SYT1: variants seen among roughly 807,000 people sequenced by gnomAD.
The protein encoded by SYT1 is synaptotagmin-1.
In SYT1, 8 loss-of-function variants were observed where a neutral mutation model predicts 44.8. That is an observed-to-expected ratio of 0.18 (90% CI 0.10 to 0.32). The LOEUF is 0.32. Among genes scored for constraint, SYT1 ranks in the 10% least tolerant of loss-of-function variants. The pLI is 1.00. For missense variants in SYT1, 286 were observed against 509.3 expected, an observed-to-expected ratio of 0.56 and a Z score of 4.22; for synonymous variants, 154 against 188.8, an observed-to-expected ratio of 0.82 and a Z score of 1.51.
At chr12:79,132,000 ATAG>A (rs1400792996) in intron 3 of SYT1, among the ~76,000 whole-genome samples, 1 of 152,208 alleles carries the variant, frequency 6.6e-6, no homozygotes, top group South Asian at 2.1e-4. Context: ...TTGAGTTTCT[ATAG>A]TTAAATGCTG....
At chr12:78,921,900 A>C (rs1397767747) in intron 1 of SYT1, among the ~76,000 whole-genome samples, 6 of 151,930 alleles carry the variant, frequency 3.9e-5, no homozygotes, top group African/African-American at 7.2e-5. Flanking sequence ...ATATTTTTGC[A>C]TACTTTTGTG....
chr12:79,050,794 A>G (rs911486487), intron 3 of SYT1, among the ~76,000 whole-genome samples: 5 of 152,054 alleles, frequency 3.3e-5, no homozygotes, highest in African/African-American at 9.7e-5. Context: ...AATATCCCAA[A>G]TGTTACCTGC....
intron 8 of SYT1, among the ~76,000 whole-genome samples, chr12:79,311,950 A>G (rs1330940418): frequency 2.0e-5 from 3 of 151,004 alleles, no homozygotes; most frequent in Admixed American, 6.6e-5. Context: ...GCACACCAGC[A>G]TGGCACATGG....
At chr12:79,419,136 GT>G (rs1868938933) in intron 9 of SYT1, 1 of 382,604 alleles carries the variant, frequency 2.6e-6, no homozygotes, top group East Asian at 8.0e-5. Context: ...CCAATAGAAA[GT>G]TTTGCCTTTT....
intron 2 of SYT1, among the ~76,000 whole-genome samples, chr12:79,029,644 T>C (rs918476920): frequency 2.2e-4 from 33 of 151,198 alleles, no homozygotes; most frequent in African/African-American, 7.7e-4. Flanking sequence ...TGAAATTTTA[T>C]TTATGTAGAT....
At chr12:79,348,969 A>T (rs1314736629) in intron 8 of SYT1, among the ~76,000 whole-genome samples, 4 of 148,602 alleles carry the variant, frequency 2.7e-5, no homozygotes, top group Non-Finnish European at 5.9e-5. Flanking sequence ...AAAAGAAAGA[A>T]AAAGAAAGAG....
At chr12:79,170,669 A>T (rs986086466) in intron 3 of SYT1, among the ~76,000 whole-genome samples, 3 of 152,020 alleles carry the variant, frequency 2.0e-5, no homozygotes, top group Non-Finnish European at 4.4e-5. Context: ...CTCTGTTGAT[A>T]GTTTCTTTTG....
intron 3 of SYT1, among the ~76,000 whole-genome samples, chr12:79,170,755 T>A (rs1871467353): frequency 6.6e-6 from 1 of 152,160 alleles, no homozygotes; most frequent in South Asian, 2.1e-4. Flanking sequence ...TTTGGTATCT[T>A]CATCATGAAA....
At chr12:79,153,281 C>T (rs1351033113) in intron 3 of SYT1, among the ~76,000 whole-genome samples, 1 of 152,018 alleles carries the variant, frequency 6.6e-6, no homozygotes, top group Non-Finnish European at 1.5e-5. Flanking sequence ...CAATTGGATG[C>T]CAATCAGATC....
intron 9 of SYT1, among the ~76,000 whole-genome samples, chr12:79,441,070 T>C (rs540677537): frequency 6.6e-6 from 1 of 152,322 alleles, no homozygotes; most frequent in African/African-American, 2.4e-5. Context: ...TGCTCAAATG[T>C]GCCCATCCCA....
At chr12:78,931,200 A>G (rs11111925) in intron 1 of SYT1, among the ~76,000 whole-genome samples, 2,407 of 35,610 alleles carry the variant, frequency 0.068, 96 homozygotes, top group East Asian at 0.25. Context: ...AGAAAGAAAG[A>G]AAGAAAGAAA....
intron 2 of SYT1, among the ~76,000 whole-genome samples, chr12:79,038,257 T>C (rs1221027795): frequency 6.6e-6 from 1 of 151,166 alleles, no homozygotes; most frequent in African/African-American, 2.4e-5. Flanking sequence ...AGTTGTCCAA[T>C]ACAGGCAATT....
intron 3 of SYT1, among the ~76,000 whole-genome samples, chr12:79,117,664 TATATA>T (rs1456730866): frequency 2.0e-3 from 13 of 6,426 alleles, no homozygotes; most frequent in Non-Finnish European, 5.5e-4. Context: ...TATTACATCA[TATATA>T]TATATATATA....
intron 4 of SYT1, among the ~76,000 whole-genome samples, chr12:79,230,886 A>C (rs891551930): frequency 1.3e-5 from 2 of 152,242 alleles, no homozygotes; most frequent in Non-Finnish European, 2.9e-5. Flanking sequence ...TTTTGGACCT[A>C]TATCCAAAAT....
chr12:79,064,976 GAAAGAA>G (rs1875713780), intron 3 of SYT1, among the ~76,000 whole-genome samples: 1 of 138,522 alleles, frequency 7.2e-6, no homozygotes, highest in South Asian at 2.3e-4. Context: ...AAGAAAGAAA[GAAAGAA>G]AGAAAGAAAG....
chr12:79,047,018 T>A (rs1279858843), intron 2 of SYT1, among the ~76,000 whole-genome samples: 1 of 151,852 alleles, frequency 6.6e-6, no homozygotes, highest in Non-Finnish European at 1.5e-5. Flanking sequence ...TTACTCTAAT[T>A]TCAAATTAAA....
At chr12:79,364,514 A>ACTAATGGC (rs1053543034) in intron 9 of SYT1, among the ~76,000 whole-genome samples, 8 of 152,292 alleles carry the variant, frequency 5.3e-5, no homozygotes, top group African/African-American at 1.9e-4. Flanking sequence ...TTTTTAAATT[A>ACTAATGGC]CTAATGGCCT....
chr12:78,936,735 C>T (rs1184747204), intron 1 of SYT1, among the ~76,000 whole-genome samples: 1 of 152,096 alleles, frequency 6.6e-6, no homozygotes, highest in African/African-American at 2.4e-5. Flanking sequence ...AAAGGAAGGC[C>T]AGAATTCAGT....
At chr12:79,436,242 A>G (rs1297099084) in intron 9 of SYT1, among the ~76,000 whole-genome samples, 1 of 152,188 alleles carries the variant, frequency 6.6e-6, no homozygotes, top group Admixed American at 6.5e-5. Context: ...CAGAGCCCTA[A>G]TTGATACCAG....
Sources: gnomAD v4.1 joint callset for allele counts (sites outside exome capture counted in the v4.1 genomes callset) on GRCh38, gnomAD v4.1.1 for gene constraint, MANE v1.5 for transcripts, NCBI Gene and HGNC (gene_info 2026-07-23, HGNC 2026-07-21) for gene names.